The following UBXN2A variants were observed in gnomAD, a reference collection of about 807,000 sequenced individuals.
UBXN2A encodes the protein UBX domain-containing protein 2A.
Under a neutral mutation model 28.4 loss-of-function variants are expected in UBXN2A, and 28 were observed. That is an observed-to-expected ratio of 0.99 (90% CI 0.73 to 1.35). The LOEUF (loss-of-function observed/expected upper bound fraction) is 1.35. Among genes scored for constraint, UBXN2A ranks in the 40% most tolerant of loss-of-function variants. The pLI is 0.00. For missense variants in UBXN2A, 253 were observed against 297.9 expected (o/e 0.85, Z 1.11); for synonymous variants, 97 against 103.6 (o/e 0.94, Z 0.39).
chr2:23,989,425 A>G (rs1386519298), intron 6 of UBXN2A, among the ~76,000 whole-genome samples: 1 of 149,990 alleles, frequency 6.7e-6, no homozygotes, highest in Non-Finnish European at 1.5e-5. Context: ...CTCAGTTTTT[A>G]TACTTTTAAT....
At chr2:23,992,873 CTA>C (rs1189560493) in intron 6 of UBXN2A, among the ~76,000 whole-genome samples, 1 of 152,152 alleles carries the variant, frequency 6.6e-6, no homozygotes, top group Non-Finnish European at 1.5e-5. Flanking sequence ...GTATTTAAAA[CTA>C]TCTCTTGTAA....
intron 4 of UBXN2A, among the ~76,000 whole-genome samples, chr2:23,980,381 G>C (rs1482372647): frequency 4.6e-5 from 7 of 152,148 alleles, no homozygotes; most frequent in African/African-American, 1.4e-4. Context: ...CAAAGTGACT[G>C]TACCATTTAA....
rs534974541 is a variant in UBXN2A, at chr2:23,946,695, G to A, written c.-15+6047G>A. ...GGTCTTGAACTTCTGACCTCAAGTG[G>A]TCCACCTGCCTCAGCCTCCCAAAGT... On this transcript the variant is annotated intron_variant, in intron 1 of 6. Coordinates refer to ENST00000309033, the MANE Select transcript of UBXN2A (RefSeq NM_181713.4). Among the ~76,000 whole-genome samples, 340 of 151,784 alleles carry A rather than the reference G, an allele frequency of 2.2e-3. 2 individuals are homozygous for A. Among genetic ancestry groups the A allele is most frequent in the African/African-American group, 8.0e-3 (331 of 41,374 alleles).
intron 5 of UBXN2A, 59 bp downstream of exon 5, chr2:23,983,092 T>G: frequency 6.9e-7 from 1 of 1,457,036 alleles, no homozygotes; most frequent in South Asian, 1.6e-5. Flanking sequence ...ATTCTGTCTA[T>G]CAGTATTTTA....
chr2:23,942,709 G>T (rs1163302469), intron 1 of UBXN2A, among the ~76,000 whole-genome samples: 1 of 151,654 alleles, frequency 6.6e-6, no homozygotes, highest in African/African-American at 2.4e-5. Flanking sequence ...GTGAGCCACC[G>T]TGCCCGGCTG....
At chr2:23,977,980 T>C (rs1171834630) in intron 4 of UBXN2A, among the ~76,000 whole-genome samples, 1 of 152,040 alleles carries the variant, frequency 6.6e-6, no homozygotes, top group Non-Finnish European at 1.5e-5. Context: ...TACGGGTGTG[T>C]GCCACCATGC....
At position 24,001,634 on chromosome 2, in the gene UBXN2A, A is replaced by G. The variant is rs1708725785; in HGVS notation, c.*1767A>G. The G allele has an allele frequency of 6.6e-6, 1 of 151,470 alleles. No homozygotes were observed. Among genetic ancestry groups the G allele is most frequent in the Non-Finnish European group, 1.5e-5 (1 of 67,894 alleles). 9.4% of individuals were successfully genotyped at this position (151,470 alleles called of 1,614,324 possible). Reference sequence around the variant, plus strand: ...GACCATTTGTTTATGTGAGCTATATATATTATTATATTAAATATTAAATTT... The same window carrying G: ...GACCATTTGTTTATGTGAGCTATATGTATTATTATATTAAATATTAAATTT... On this transcript the variant is annotated 3_prime_UTR_variant, in exon 7 of 7. Transcript: ENST00000309033.
intron 5 of UBXN2A, among the ~76,000 whole-genome samples, chr2:23,983,450 T>C (rs1707996032): frequency 6.6e-6 from 1 of 151,976 alleles, no homozygotes; most frequent in South Asian, 2.1e-4. Context: ...GAGATTGCGG[T>C]GAGCCGAGAT....
intron 1 of UBXN2A, among the ~76,000 whole-genome samples, chr2:23,956,674 T>G (rs1435327012): frequency 1.5e-4 from 23 of 152,184 alleles, no homozygotes; most frequent in Admixed American, 1.5e-3. Flanking sequence ...ATTCTTTGGG[T>G]ACCTTTTCTG....
At chr2:23,937,772 G>T (rs2339886), upstream of UBXN2A, among the ~76,000 whole-genome samples, 111,335 of 152,124 alleles carry the variant, frequency 0.73, 41,185 homozygotes, top group East Asian at 0.85. Flanking sequence ...TGGTCATGTA[G>T]TGCTTAACCA....
At chr2:23,985,592 T>C (rs538107967) in intron 6 of UBXN2A, among the ~76,000 whole-genome samples, 2 of 138,762 alleles carry the variant, frequency 1.4e-5, no homozygotes, top group East Asian at 2.2e-4. Context: ...AACATAATTA[T>C]GTCTAGACAG....
At chr2:23,936,043 C>T (rs1705515251), upstream of UBXN2A, among the ~76,000 whole-genome samples, 1 of 152,014 alleles carries the variant, frequency 6.6e-6, no homozygotes, top group Non-Finnish European at 1.5e-5. Flanking sequence ...CAGAGGGAGG[C>T]TGTCTCAAAA....
upstream of UBXN2A, among the ~76,000 whole-genome samples, chr2:23,936,140 C>G (rs1705518436): frequency 1.3e-5 from 2 of 152,082 alleles, no homozygotes; most frequent in Non-Finnish European, 2.9e-5. Flanking sequence ...CAATCAAATA[C>G]TTGTATACCA....
intron 6 of UBXN2A, among the ~76,000 whole-genome samples, chr2:23,995,692 C>CA (rs561322433): frequency 1.1e-3 from 82 of 74,540 alleles, no homozygotes; most frequent in Admixed American, 1.1e-3. Flanking sequence ...GACTCTGTCT[C>CA]AAAAAAAAAA....
intron 5 of UBXN2A, among the ~76,000 whole-genome samples, chr2:23,983,498 ACT>A (rs1181093680): frequency 4.0e-5 from 6 of 151,704 alleles, no homozygotes; most frequent in Non-Finnish European, 5.9e-5. Context: ...CAAGAGTGAA[ACT>A]CTGTCTCAAA....
intron 1 of UBXN2A, among the ~76,000 whole-genome samples, chr2:23,929,666 T>C (rs1705312588): frequency 6.6e-6 from 1 of 151,348 alleles, no homozygotes; most frequent in African/African-American, 2.4e-5. Flanking sequence ...TGAGCTGAGA[T>C]TGCACCACTG....
At chr2:23,980,093 G>C (rs1268160094) in intron 4 of UBXN2A, among the ~76,000 whole-genome samples, 1 of 150,978 alleles carries the variant, frequency 6.6e-6, no homozygotes, top group Non-Finnish European at 1.5e-5. Context: ...ATTGCTGAAA[G>C]AAAAAAAAAT....
intron 1 of UBXN2A, among the ~76,000 whole-genome samples, chr2:23,934,558 A>G (rs1017867961): frequency 6.6e-6 from 1 of 152,226 alleles, no homozygotes; most frequent in African/African-American, 2.4e-5. Flanking sequence ...GCTGAGTGCC[A>G]CCCATCGTCC....
At chr2:23,979,296 G>A (rs1380689259) in intron 4 of UBXN2A, among the ~76,000 whole-genome samples, 1 of 151,868 alleles carries the variant, frequency 6.6e-6, no homozygotes, top group Non-Finnish European at 1.5e-5. Context: ...AGTGAGCTGA[G>A]ATCATGCTAC....
Sources: gnomAD v4.1 joint callset for allele counts (sites outside exome capture counted in the v4.1 genomes callset) on GRCh38, gnomAD v4.1.1 for gene constraint, MANE v1.5 for transcripts, NCBI Gene and HGNC (gene_info 2026-07-23, HGNC 2026-07-21) for gene names.